VWC2: variants seen among roughly 807,000 people sequenced by gnomAD.
The protein encoded by VWC2 is brorin.
A neutral mutation model predicts 29.8 loss-of-function variants in VWC2; 14 were observed. That is an observed-to-expected ratio of 0.47 (90% CI 0.31 to 0.74). VWC2 has a LOEUF of 0.74. VWC2 is among the 30% of genes least tolerant of loss of function. The pLI, the probability that VWC2 is intolerant of heterozygous loss-of-function variation, is 0.05. For synonymous variants in VWC2, 213 were observed against 199.0 expected, an observed-to-expected ratio of 1.07 and a Z score of -0.59; for missense variants, 457 against 459.8, an observed-to-expected ratio of 0.99 and a Z score of 0.05.
At chr7:49,810,742 C>T (rs568896633) in intron 3 of VWC2, among the ~76,000 whole-genome samples, 62 of 152,192 alleles carry the variant, frequency 4.1e-4, no homozygotes, top group African/African-American at 1.4e-3. Flanking sequence ...TTATTTTCAA[C>T]CAATGTTGTA....
chr7:49,797,761 T>C (rs1231755458), intron 2 of VWC2, among the ~76,000 whole-genome samples: 1 of 152,186 alleles, frequency 6.6e-6, no homozygotes, highest in Non-Finnish European at 1.5e-5. Context: ...CAAGAAACCA[T>C]GTTCTTTGGA....
intron 3 of VWC2, among the ~76,000 whole-genome samples, chr7:49,826,351 T>A (rs1298884803): frequency 6.6e-6 from 1 of 152,148 alleles, no homozygotes; most frequent in Non-Finnish European, 1.5e-5. Flanking sequence ...AAGAATAATC[T>A]CCTTTAAAAC....
At chr7:49,821,258 C>CA (rs2128709488) in intron 3 of VWC2, among the ~76,000 whole-genome samples, 1 of 152,296 alleles carries the variant, frequency 6.6e-6, no homozygotes, top group East Asian at 1.9e-4. Flanking sequence ...GCAGTAAACT[C>CA]ACTGGCCAGA....
At chr7:49,877,470 A>ATAAAAAAT (rs1791463170) in intron 3 of VWC2, among the ~76,000 whole-genome samples, 1 of 39,846 alleles carries the variant, frequency 2.5e-5, no homozygotes, top group Non-Finnish European at 4.4e-5. Context: ...CTCAAAAAAA[A>ATAAAAAAT]AAAAAAAAAA....
At chr7:49,776,847 T>C (rs943224098) in intron 2 of VWC2, among the ~76,000 whole-genome samples, 1 of 152,250 alleles carries the variant, frequency 6.6e-6, no homozygotes, top group Non-Finnish European at 1.5e-5. Flanking sequence ...ATTGTCTCCA[T>C]GTTATGGAGA....
At chr7:49,883,932 A>G (rs1791786228) in intron 3 of VWC2, among the ~76,000 whole-genome samples, 1 of 152,242 alleles carries the variant, frequency 6.6e-6, no homozygotes, top group African/African-American at 2.4e-5. Flanking sequence ...TAAGAACAGA[A>G]AGCAGTGGAG....
chr7:49,894,784 T>C (rs1471000076), intron 3 of VWC2, among the ~76,000 whole-genome samples: 1 of 152,112 alleles, frequency 6.6e-6, no homozygotes, highest in Admixed American at 6.5e-5. Context: ...GCCCAAGAGG[T>C]TCTAGCCAGA....
At chr7:49,842,332 C>T (rs963896086) in intron 3 of VWC2, among the ~76,000 whole-genome samples, 2 of 148,556 alleles carry the variant, frequency 1.3e-5, no homozygotes, top group Admixed American at 6.6e-5. Flanking sequence ...ACTATATTAT[C>T]TGTATACTTT....
chr7:49,853,867 C>A (rs1790301359), intron 3 of VWC2, among the ~76,000 whole-genome samples: 1 of 122,196 alleles, frequency 8.2e-6, no homozygotes, highest in South Asian at 3.4e-4. Context: ...CTCCCCCCTC[C>A]CCCCACCCCA....
In VWC2 at chr7:49,802,702, G is replaced by A. The variant is rs1254594045; in HGVS notation, c.697-9G>A. ...AGGCTAAAGTGCTGATTGTGGGCTTGTGTTTCAGGTGTCTCCATGCGAGAG... is the reference window on the plus strand; with the variant it reads ...AGGCTAAAGTGCTGATTGTGGGCTTATGTTTCAGGTGTCTCCATGCGAGAG... On this transcript the variant is annotated splice_polypyrimidine_tract_variant and intron_variant, in intron 2 of 3. Transcript: ENST00000340652. 1 of 1,614,198 alleles carries A rather than the reference G, an allele frequency of 6.2e-7. No individual in the cohort carries two copies. Among genetic ancestry groups the A allele is most frequent in the African/African-American group, 1.3e-5 (1 of 75,078 alleles).
rs192486317 is a variant in VWC2, at chr7:49,809,465, T to C, written c.826+6625T>C. On this transcript the variant is annotated intron_variant, in intron 3 of 3. Coordinates refer to ENST00000340652, the MANE Select transcript of VWC2 (RefSeq NM_198570.5). Reference sequence around the variant, plus strand: ...AAAGAAAGAAATAATACCAATCTTTTACAAACTCACCCAGGAAATAGAAGC... The same window carrying C: ...AAAGAAAGAAATAATACCAATCTTTCACAAACTCACCCAGGAAATAGAAGC... Among the ~76,000 whole-genome samples the C allele has an allele frequency of 1.4e-3, 213 of 152,182 alleles. 2 individuals are homozygous for C. The highest frequency in any genetic ancestry group is 5.0e-3 in the African/African-American group (209 of 41,568).
chr7:49,860,112 C>CA (rs1425010506), intron 3 of VWC2, among the ~76,000 whole-genome samples: 2 of 151,860 alleles, frequency 1.3e-5, no homozygotes, highest in East Asian at 3.9e-4. Flanking sequence ...AAAAAAATGA[C>CA]AAAAAATTGC....
intron 2 of VWC2, among the ~76,000 whole-genome samples, chr7:49,797,696 G>A (rs1020465989): frequency 1.3e-5 from 2 of 152,094 alleles, no homozygotes. Flanking sequence ...CTAGCCTCAG[G>A]ACTGGAATGA....
chr7:49,807,862 A>G (rs559702317), intron 3 of VWC2, among the ~76,000 whole-genome samples: 6 of 152,318 alleles, frequency 3.9e-5, no homozygotes, highest in Non-Finnish European at 7.4e-5. Flanking sequence ...TGCAATATGT[A>G]TAATTAACTA....
intron 3 of VWC2, among the ~76,000 whole-genome samples, chr7:49,852,679 G>C (rs1301233357): frequency 1.3e-5 from 2 of 150,690 alleles, no homozygotes; most frequent in African/African-American, 5.0e-5. Context: ...TACCACCTTG[G>C]TGTGACGGAT....
intron 3 of VWC2, among the ~76,000 whole-genome samples, chr7:49,829,696 T>A (rs1789482750): frequency 6.6e-6 from 1 of 152,224 alleles, no homozygotes; most frequent in South Asian, 2.1e-4. Flanking sequence ...TTCCTCTCCC[T>A]TCACATTGCC....
At chr7:49,830,967 CG>C (rs1299430068) in intron 3 of VWC2, among the ~76,000 whole-genome samples, 1 of 152,034 alleles carries the variant, frequency 6.6e-6, no homozygotes, top group Admixed American at 6.6e-5. Context: ...TGAATAGTGC[CG>C]CACTATTTCT....
rs1193026378 is a variant in VWC2 at position 49,912,673 on chromosome 7, C to T, written c.*488C>T. 1 of 152,652 alleles carries T rather than the reference C, an allele frequency of 6.6e-6. No individual in the cohort carries two copies. The highest frequency in any genetic ancestry group is 1.5e-5 in the Non-Finnish European group (1 of 68,092). The allele number at this position is 152,652 out of a possible 1,614,324, so 9.5% of individuals were successfully genotyped here. On this transcript the variant is annotated 3_prime_UTR_variant, in exon 4 of 4. Transcript: ENST00000340652. ...TATTAGGACCAATTTCCACTGAAAC[C>T]CTGTTTAAATTCTATTTAATTACAG...
chr7:49,881,209 G>A (rs934417071), intron 3 of VWC2, among the ~76,000 whole-genome samples: 1 of 152,110 alleles, frequency 6.6e-6, no homozygotes, highest in Non-Finnish European at 1.5e-5. Flanking sequence ...GAGCCGAGAG[G>A]AGGAGAGTCC....
Sources: allele counts gnomAD v4.1 joint callset (sites outside exome capture counted in the v4.1 genomes callset), GRCh38; gene constraint gnomAD v4.1.1; transcripts MANE v1.5; gene names NCBI Gene and HGNC (gene_info 2026-07-23, HGNC 2026-07-21).